CTSC: variants seen among roughly 807,000 people sequenced by gnomAD.
The protein encoded by CTSC is dipeptidyl peptidase 1.
A neutral mutation model predicts 40.9 loss-of-function variants in CTSC; 37 were observed. The observed-to-expected ratio is 0.91, with a 90% CI of 0.70 to 1.19. The LOEUF is 1.19. Among genes scored for constraint, CTSC ranks in the 50% most tolerant of loss-of-function variants. CTSC has a pLI of 0.00. For missense variants in CTSC, 594 were observed against 567.3 expected, an observed-to-expected ratio of 1.05 and a Z score of -0.48; for synonymous variants, 232 against 207.4, an observed-to-expected ratio of 1.12 and a Z score of -1.02.
rs751885736 is a variant in CTSC, at chr11:88,312,511, G to T, written c.362C>A (p.Thr121Lys). The T allele has an allele frequency of 6.2e-7, 1 of 1,614,156 alleles. No individual in the cohort carries two copies. The highest frequency in any genetic ancestry group is 1.1e-5 in the South Asian group (1 of 91,080). The change falls in exon 3 of 7, where the codon ACA becomes AAA. Residue 121 changes from threonine (T) to lysine (K), a missense_variant. Coordinates refer to ENST00000227266, the MANE Select transcript of CTSC (RefSeq NM_001814.6). The stretch of plus-strand genomic sequence containing the variant: ...CACATCATGCACCCACCCAGTCATT[G>T]TCTCGTTGCAGTAAGTGGTCACCTT... ...GSKVTTYCNETMTGWVHDVLG... is the reference protein window; with the variant it reads ...GSKVTTYCNEKMTGWVHDVLG...
intron 2 of CTSC, chr11:88,321,078 A>G (rs1937994707): frequency 2.1e-6 from 2 of 974,394 alleles, no homozygotes; most frequent in African/African-American, 1.8e-5. Flanking sequence ...TTGATGCAAA[A>G]TTACTCAGAT....
chr11:88,311,421 G>A (rs1043391435), intron 3 of CTSC, among the ~76,000 whole-genome samples: 4 of 152,140 alleles, frequency 2.6e-5, no homozygotes, highest in African/African-American at 9.7e-5. Flanking sequence ...AATGTTGCCT[G>A]GCTTGGGATG....
At chr11:88,325,317 G>C in intron 2 of CTSC, 1 of 985,362 alleles carries the variant, frequency 1.0e-6, no homozygotes, top group Non-Finnish European at 1.2e-6. Flanking sequence ...CCTGGTTTAG[G>C]CAAGAAAGTC....
chr11:88,320,822 A>C (rs1410769866), intron 2 of CTSC: 2 of 880,304 alleles, frequency 2.3e-6, no homozygotes, highest in African/African-American at 3.6e-5. Context: ...ATATTACATA[A>C]CATTCTTTAT....
intron 2 of CTSC, among the ~76,000 whole-genome samples, chr11:88,334,225 T>C (rs1938433371): frequency 6.6e-6 from 1 of 152,218 alleles, no homozygotes. Context: ...CCATTTAATA[T>C]TTAGCTTACA....
intron 5 of CTSC, chr11:88,297,371 G>A (rs1350013237): frequency 6.6e-6 from 1 of 152,200 alleles, no homozygotes; most frequent in East Asian, 1.9e-4. Context: ...AGAACACACT[G>A]AACTAGGAGT....
intron 2 of CTSC, among the ~76,000 whole-genome samples, chr11:88,318,242 C>T (rs1051552600): frequency 6.6e-6 from 1 of 152,156 alleles, no homozygotes; most frequent in Non-Finnish European, 1.5e-5. Context: ...AAGTGGACTC[C>T]GCCCTTTAAA....
chr11:88,335,024 G>A lies in CTSC; in HGVS notation c.231C>T (p.Asp77=). 1 of 1,605,702 alleles carries A rather than the reference G, an allele frequency of 6.2e-7. No homozygotes were observed. The highest frequency in any genetic ancestry group is 1.1e-5 in the South Asian group (1 of 90,920). ...TGGTGAAATGGCCAGAATTGCCAAGGTCATCATATGCTGTATCCAGCTTCT... is the reference window on the plus strand; with the variant it reads ...TGGTGAAATGGCCAGAATTGCCAAGATCATCATATGCTGTATCCAGCTTCT... The part of the protein sequence containing the change: ...YLQKLDTAYD[D]LGNSGHFTII... The change falls in exon 2 of 7, where the codon GAC becomes GAT. Residue 77 remains aspartate, a synonymous_variant. Transcript: ENST00000227266.
At position 88,294,449 on chromosome 11, in the gene CTSC, C is replaced by T; in HGVS notation, c.949G>A (p.Val317Met). The T allele has an allele frequency of 1.9e-6, 3 of 1,614,084 alleles. No homozygotes were observed. Among genetic ancestry groups the T allele is most frequent in the Non-Finnish European group, 2.5e-6 (3 of 1,180,000 alleles). ...AGKYAQDFGL[V>M]EEACFPYTGT... ...GTGTAGGGGAAGCAAGCTTCTTCCA[C>T]CAGCCCAAAATCTTGGGCGTACTTT... The change falls in exon 7 of 7, where the codon GTG (valine) becomes ATG (methionine). Residue 317 changes from valine to methionine, a missense_variant. By Grantham distance (21) the Val-to-Met change is conservative. Transcript: ENST00000227266.
chr11:88,312,520 C>A lies in CTSC; in HGVS notation c.353G>T (p.Cys118Phe), dbSNP rs1049198854. Residue 118 changes from cysteine (C) to phenylalanine (F), a missense_variant, in exon 3 of 7, where the codon TGC becomes TTC. Transcript: ENST00000227266. Reference sequence around the variant, plus strand: ...CACCCACCCAGTCATTGTCTCGTTGCAGTAAGTGGTCACCTTGCTGCCCTC... The same window carrying A: ...CACCCACCCAGTCATTGTCTCGTTGAAGTAAGTGGTCACCTTGCTGCCCTC... ...KEEGSKVTTYCNETMTGWVHD... is the reference protein window; with the variant it reads ...KEEGSKVTTYFNETMTGWVHD... The A allele has an allele frequency of 1.1e-5, 18 of 1,614,004 alleles. No individual in the cohort carries two copies. Among genetic ancestry groups the A allele is most frequent in the Non-Finnish European group, 1.5e-5 (18 of 1,180,020 alleles).
intron 5 of CTSC, chr11:88,299,801 G>A (rs1420658757): frequency 6.6e-6 from 1 of 152,204 alleles, no homozygotes; most frequent in African/African-American, 2.4e-5. Flanking sequence ...ATAAAACTGA[G>A]TATTGCATAG....
chr11:88,301,786 GCACA>G (rs1171170873), intron 4 of CTSC, among the ~76,000 whole-genome samples: 8 of 133,658 alleles, frequency 6.0e-5, no homozygotes, highest in African/African-American at 1.1e-4. Flanking sequence ...ACATACACAT[GCACA>G]CACACACAAA....
chr11:88,322,393 C>A (rs1281727724), intron 2 of CTSC: 5 of 152,100 alleles, frequency 3.3e-5, no homozygotes, highest in African/African-American at 1.2e-4. Context: ...ACATTTAAGT[C>A]TTTAATCCAT....
At chr11:88,318,103 ACT>A (rs2134793790) in intron 2 of CTSC, among the ~76,000 whole-genome samples, 1 of 152,232 alleles carries the variant, frequency 6.6e-6, no homozygotes, top group East Asian at 1.9e-4. Context: ...GCTTTTTGAC[ACT>A]GAGGAGAGGG....
At chr11:88,305,228 C>G (rs1937620926) in intron 4 of CTSC, among the ~76,000 whole-genome samples, 1 of 152,210 alleles carries the variant, frequency 6.6e-6, no homozygotes, top group Non-Finnish European at 1.5e-5. Flanking sequence ...ACCAGCTGCC[C>G]TCAGGGCTGC....
intron 5 of CTSC, among the ~76,000 whole-genome samples, chr11:88,300,147 G>A (rs1944342317): frequency 6.6e-6 from 1 of 152,128 alleles, no homozygotes; most frequent in Non-Finnish European, 1.5e-5. Flanking sequence ...GGGGGTGGGG[G>A]AATACAGGAA....
chr11:88,306,582 C>A (rs960883797), intron 4 of CTSC, among the ~76,000 whole-genome samples: 4 of 152,146 alleles, frequency 2.6e-5, no homozygotes, highest in Admixed American at 2.0e-4. Context: ...GGTATTTGAA[C>A]CCAGAGGAGA....
chr11:88,326,744 T>C (rs1938204602), intron 2 of CTSC, among the ~76,000 whole-genome samples: 1 of 152,190 alleles, frequency 6.6e-6, no homozygotes, highest in East Asian at 1.9e-4. Flanking sequence ...ACAGGCTAAA[T>C]ATAGTAACTT....
At chr11:88,301,796 A>G (rs911439093) in intron 4 of CTSC, among the ~76,000 whole-genome samples, 6 of 95,082 alleles carry the variant, frequency 6.3e-5, no homozygotes, top group African/African-American at 2.3e-4. Context: ...GCACACACAC[A>G]CAAACACACG....
Sources: allele counts gnomAD v4.1 joint callset (sites outside exome capture counted in the v4.1 genomes callset), GRCh38; gene constraint gnomAD v4.1.1; transcripts MANE v1.5; gene names NCBI Gene and HGNC (gene_info 2026-07-23, HGNC 2026-07-21).